The following PACRG variants were observed in gnomAD, a reference collection of about 807,000 sequenced individuals.
PACRG encodes the protein parkin coregulated.
In PACRG, 29 loss-of-function variants were observed where a neutral mutation model predicts 29.7. The observed-to-expected ratio is 0.98, with a 90% confidence interval of 0.73 to 1.33. PACRG has a LOEUF of 1.33. Among genes scored for constraint, PACRG ranks in the 40% most tolerant of loss-of-function variants. The pLI is 0.00. For missense variants in PACRG, 279 were observed against 316.2 expected, an observed-to-expected ratio of 0.88 and a Z score of 0.89; for synonymous variants, 116 against 118.7, an observed-to-expected ratio of 0.98 and a Z score of 0.15.
At chr6:162,773,484 A>G (rs983794389) in intron 1 of PACRG, among the ~76,000 whole-genome samples, 7 of 136,194 alleles carry the variant, frequency 5.1e-5, no homozygotes, top group African/African-American at 1.9e-4. Context: ...TGGTATTTTT[A>G]CAGCTTGTCA....
chr6:163,141,688 A>G (rs1329266390), intron 4 of PACRG, among the ~76,000 whole-genome samples: 1 of 152,134 alleles, frequency 6.6e-6, no homozygotes, highest in African/African-American at 2.4e-5. Flanking sequence ...GCATTAATGG[A>G]GAAAAGAGGG....
intron 1 of PACRG, among the ~76,000 whole-genome samples, chr6:162,796,386 A>G (rs1584385970): frequency 6.6e-6 from 1 of 151,764 alleles, no homozygotes; most frequent in Admixed American, 6.6e-5. Flanking sequence ...ATTATTTTGT[A>G]ATGTTTTCTA....
chr6:163,096,590 A>G (rs1814613638), intron 4 of PACRG, among the ~76,000 whole-genome samples: 1 of 152,196 alleles, frequency 6.6e-6, no homozygotes, highest in African/African-American at 2.4e-5. Flanking sequence ...CTTAGTCTCC[A>G]TAATTTAAAA....
chr6:163,310,212 T>A (rs1174191100), intron 4 of PACRG: 1 of 152,072 alleles, frequency 6.6e-6, no homozygotes, highest in Non-Finnish European at 1.5e-5. Flanking sequence ...GCTTTTCGCG[T>A]CTCTAGGATC....
At chr6:163,175,987 A>T (rs1030823107) in intron 4 of PACRG, among the ~76,000 whole-genome samples, 1 of 152,200 alleles carries the variant, frequency 6.6e-6, no homozygotes, top group Non-Finnish European at 1.5e-5. Context: ...TAATGAGTCT[A>T]TTCTGTTTAT....
intron 2 of PACRG, among the ~76,000 whole-genome samples, chr6:162,832,962 CT>C (rs927133524): frequency 2.6e-5 from 4 of 151,688 alleles, no homozygotes; most frequent in Non-Finnish European, 5.9e-5. Flanking sequence ...TTTTAAAAAT[CT>C]TTTTTATATA....
intron 4 of PACRG, among the ~76,000 whole-genome samples, chr6:163,224,062 C>T (rs1393169976): frequency 3.9e-5 from 6 of 151,986 alleles, no homozygotes; most frequent in African/African-American, 9.7e-5. Context: ...GCCAAAGCAA[C>T]GTTGAGCAAA....
intron 4 of PACRG, among the ~76,000 whole-genome samples, chr6:163,178,452 C>T (rs1585301396): frequency 1.3e-5 from 2 of 152,166 alleles, no homozygotes; most frequent in African/African-American, 4.8e-5. Flanking sequence ...GCTCCGGCAG[C>T]CACCTTTGGC....
intron 1 of PACRG, among the ~76,000 whole-genome samples, chr6:162,744,950 T>A (rs1780874215): frequency 6.6e-6 from 1 of 152,100 alleles, no homozygotes. Context: ...TTTCAGGAGC[T>A]CTGAAAATGA....
intron 1 of PACRG, among the ~76,000 whole-genome samples, chr6:162,781,815 C>A (rs1191284435): frequency 4.6e-5 from 7 of 151,170 alleles, no homozygotes; most frequent in Admixed American, 3.9e-4. Context: ...ATAAAAAATT[C>A]TTGAGTAATC....
chr6:163,081,063 T>C (rs964813436), intron 3 of PACRG, among the ~76,000 whole-genome samples: 1 of 152,168 alleles, frequency 6.6e-6, no homozygotes, highest in Non-Finnish European at 1.5e-5. Flanking sequence ...AGCTCTGTTA[T>C]GGAAGGAGAA....
intron 3 of PACRG, among the ~76,000 whole-genome samples, chr6:163,087,048 G>T (rs999948269): frequency 2.0e-5 from 3 of 151,824 alleles, no homozygotes; most frequent in African/African-American, 7.3e-5. Context: ...CTTGAGGGAG[G>T]GTAACCCCGC....
chr6:162,910,111 T>C (rs1263269789), intron 2 of PACRG, among the ~76,000 whole-genome samples: 1 of 152,204 alleles, frequency 6.6e-6, no homozygotes, highest in African/African-American at 2.4e-5. Context: ...TGTAAAAAGA[T>C]AGTGGTAATA....
chr6:163,053,278 A>T (rs888946498), intron 2 of PACRG, among the ~76,000 whole-genome samples: 1 of 152,206 alleles, frequency 6.6e-6, no homozygotes, highest in Non-Finnish European at 1.5e-5. Context: ...TAGCAGTCAC[A>T]GTGTGACAGA....
intron 3 of PACRG, among the ~76,000 whole-genome samples, chr6:163,068,709 T>A (rs1252824654): frequency 6.6e-6 from 1 of 152,126 alleles, no homozygotes; most frequent in Non-Finnish European, 1.5e-5. Flanking sequence ...TTCTATTTCC[T>A]GAGAAATGTC....
At chr6:162,912,089 G>A (rs540065769) in intron 2 of PACRG, among the ~76,000 whole-genome samples, 29 of 152,334 alleles carry the variant, frequency 1.9e-4, no homozygotes, top group Middle Eastern at 3.4e-3. Context: ...AGAGAGCACA[G>A]AGGATCTGGA....
chr6:162,858,295 G>C (rs1791572722), intron 2 of PACRG, among the ~76,000 whole-genome samples: 1 of 152,160 alleles, frequency 6.6e-6, no homozygotes, highest in South Asian at 2.1e-4. Context: ...GAGAGAGATA[G>C]AGAAGGCGGA....
chr6:163,197,685 A>G (rs1009924626), intron 4 of PACRG, among the ~76,000 whole-genome samples: 1 of 151,514 alleles, frequency 6.6e-6, no homozygotes, highest in Non-Finnish European at 1.5e-5. Context: ...TTCTGACCTC[A>G]TGATCCGCCT....
rs1791059877 is a variant in PACRG, at chr6:162,853,023, T to A, written c.291+38742T>A. 6.6e-6 allele frequency among the ~76,000 whole-genome samples: 1 copy of A among 152,188 alleles called. No individual in the cohort carries two copies. Among genetic ancestry groups the A allele is most frequent in the South Asian group, 2.1e-4 (1 of 4,830 alleles). On this transcript the variant is annotated intron_variant, in intron 2 of 4. Coordinates refer to ENST00000366888, the MANE Select transcript of PACRG (RefSeq NM_001080379.2). This position sits in a 1 kb window ranked among gnomAD's most constrained non-coding sequence, Gnocchi z 4.7. ...AAACGGAGCCTGTGGCCTGGTGACC[T>A]GGGGCCTTGCAGCCAGAGACAGTGA...
Sources: gnomAD v4.1 joint callset for allele counts (sites outside exome capture counted in the v4.1 genomes callset) on GRCh38, gnomAD v4.1.1 for gene constraint, Gnocchi (gnomAD v3.1) non-coding constraint, MANE v1.5 for transcripts, NCBI Gene and HGNC (gene_info 2026-07-23, HGNC 2026-07-21) for gene names.